Variants in NAA15 observed in about 807,000 individuals in gnomAD.
The protein encoded by NAA15 is N-terminal acetyltransferase.
Under a neutral mutation model 114.0 loss-of-function variants are expected in NAA15, and 34 were observed. The observed-to-expected ratio is 0.30, with a 90% CI of 0.23 to 0.40. The LOEUF (loss-of-function observed/expected upper bound fraction) is 0.40. NAA15 is among the 10% of genes least tolerant of loss of function. NAA15 has a pLI of 1.00. For synonymous variants in NAA15, 340 were observed against 338.0 expected, an observed-to-expected ratio of 1.01 and a Z score of -0.06; for missense variants, 658 against 1,004.5, an observed-to-expected ratio of 0.66 and a Z score of 4.66.
At chr4:139,305,690 A>C (rs1467114507) in intron 1 of NAA15, among the ~76,000 whole-genome samples, 1 of 151,944 alleles carries the variant, frequency 6.6e-6, no homozygotes, top group Non-Finnish European at 1.5e-5. Context: ...GTGTGCCACC[A>C]CACCTAGCTA....
chr4:139,311,956 ACT>A (rs1391687245), intron 1 of NAA15, among the ~76,000 whole-genome samples: 3 of 151,042 alleles, frequency 2.0e-5, no homozygotes, highest in Admixed American at 1.3e-4. Context: ...CCATAGCGAG[ACT>A]CTATCTCTTT....
At chr4:139,303,684 C>T (rs1745892582) in intron 1 of NAA15, among the ~76,000 whole-genome samples, 1 of 152,252 alleles carries the variant, frequency 6.6e-6, no homozygotes, top group Non-Finnish European at 1.5e-5. Flanking sequence ...GTAGTCCCAG[C>T]TACTAGGGTG....
rs1301411548 is a variant in NAA15 at position 139,388,141 on chromosome 4, T to C, written c.*57T>C. The C allele has an allele frequency of 2.6e-5, 38 of 1,459,290 alleles. No individual in the cohort carries two copies. Among genetic ancestry groups the C allele is most frequent in the Non-Finnish European group, 3.6e-5 (38 of 1,054,918 alleles). 90.4% of individuals were successfully genotyped at this position (1,459,290 alleles called of 1,614,324 possible). ...GGACCATATCTAGTATATAATATTT[T>C]TGTCACGCACCTGCTGCATTGCTCT... On this transcript the variant is annotated 3_prime_UTR_variant, in exon 20 of 20. Transcript: ENST00000296543.
intron 1 of NAA15, among the ~76,000 whole-genome samples, chr4:139,330,902 C>A (rs557480642): frequency 6.6e-6 from 1 of 152,130 alleles, no homozygotes; most frequent in Non-Finnish European, 1.5e-5. Context: ...TTTCTTCATG[C>A]TAAAATGTGA....
chr4:139,340,787 C>A, intron 3 of NAA15, 125 bp from the exon 4 acceptor site: 1 of 657,544 alleles, frequency 1.5e-6, no homozygotes. Context: ...CAATCTCCCC[C>A]TCCCCTTCCC....
chr4:139,386,237 A>T lies in NAA15; in HGVS notation c.2400+7A>T, dbSNP rs777836644. 6.6e-7 allele frequency: 1 copy of T among 1,515,426 alleles called. No homozygotes were observed. The highest frequency in any genetic ancestry group is 9.1e-7 in the Non-Finnish European group (1 of 1,096,656). 93.9% of individuals were successfully genotyped at this position (1,515,426 alleles called of 1,614,324 possible). A position where few individuals can be genotyped will look rare whatever the true frequency, so the allele number is the denominator to read the frequency against. The stretch of plus-strand genomic sequence containing the variant: ...CACTAACAGAAACCTCCAGGTAAAG[A>T]GTTTTTCATAATCTCTCTGTAAGAA... On this transcript the variant is annotated splice_region_variant and intron_variant, in intron 19 of 19. Coordinates refer to ENST00000296543, the MANE Select transcript of NAA15 (RefSeq NM_057175.5).
intron 1 of NAA15, among the ~76,000 whole-genome samples, chr4:139,313,587 G>A (rs1257414509): frequency 6.7e-6 from 1 of 149,576 alleles, no homozygotes; most frequent in Non-Finnish European, 1.5e-5. Flanking sequence ...TGTTGCCGAA[G>A]CTGGAGTGTA....
In NAA15 at chr4:139,323,740, T is replaced by G. The variant is rs566880492; in HGVS notation, c.55-10434T>G. On this transcript the variant is annotated intron_variant, in intron 1 of 19. Coordinates refer to ENST00000296543, the MANE Select transcript of NAA15 (RefSeq NM_057175.5). ...CTCTTCTGAAACGGTAGTCCTGTAT[T>G]GGCTTTTGTCCAACAGCTGAAAACA... Among the ~76,000 whole-genome samples the G allele has an allele frequency of 1.1e-4, 16 of 152,336 alleles. No individual in the cohort carries two copies. The East Asian group carries it at 2.3e-3, about 22-fold the overall frequency.
rs945487218 is a variant in NAA15, at chr4:139,390,984, A to G, written c.*2900A>G. On this transcript the variant is annotated 3_prime_UTR_variant, in exon 20 of 20. Transcript: ENST00000296543. ...TGTGGTAAGTTCAGGGAAGTCTTGT[A>G]TGATTTCTAAGAATATTTCAGTTAC... The G allele has an allele frequency of 1.3e-5, 2 of 152,232 alleles. No individual in the cohort carries two copies. Among genetic ancestry groups the G allele is most frequent in the Non-Finnish European group, 2.9e-5 (2 of 68,030 alleles). The allele number at this position is 152,232 out of a possible 1,614,324, so 9.4% of individuals were successfully genotyped here. A position where few individuals can be genotyped will look rare whatever the true frequency, so the allele number is the denominator to read the frequency against.
intron 1 of NAA15, among the ~76,000 whole-genome samples, chr4:139,315,013 T>TCAGTTCAGTTC (rs1560952827): frequency 7.6e-6 from 1 of 131,954 alleles, no homozygotes; most frequent in African/African-American, 2.9e-5. Flanking sequence ...TAGTTTAGGT[T>TCAGTTCAGTTC]AGGTTAGGTT....
At chr4:139,350,315 A>G (rs997625042) in intron 7 of NAA15, among the ~76,000 whole-genome samples, 11 of 152,188 alleles carry the variant, frequency 7.2e-5, no homozygotes, top group Non-Finnish European at 1.5e-4. Flanking sequence ...AAACGGAGAT[A>G]TATTCTTAAA....
chr4:139,305,963 T>G (rs1745997807), intron 1 of NAA15, among the ~76,000 whole-genome samples: 1 of 152,224 alleles, frequency 6.6e-6, no homozygotes. Context: ...ATAAACATTT[T>G]TTTCCTTAAA....
At position 139,334,112 on chromosome 4, in the gene NAA15, G is replaced by A. The variant is rs916727079; in HGVS notation, c.55-62G>A. Reference sequence around the variant, plus strand: ...ATTTAACAGAGTAGAGAAATTTAGCGTTGAATTTAAAGTTGTTTGTATTCC... The same window carrying A: ...ATTTAACAGAGTAGAGAAATTTAGCATTGAATTTAAAGTTGTTTGTATTCC... On this transcript the variant is annotated intron_variant, in intron 1 of 19. Transcript: ENST00000296543. 52 of 996,416 alleles carry A rather than the reference G, an allele frequency of 5.2e-5. 1 individual carries two copies. Among genetic ancestry groups the A allele is most frequent in the Middle Eastern group, 5.1e-4 (2 of 3,958 alleles). The allele number at this position is 996,416 out of a possible 1,614,324, so 61.7% of individuals were successfully genotyped here. A position where few individuals can be genotyped will look rare whatever the true frequency, so the allele number is the denominator to read the frequency against.
chr4:139,303,310 A>C (rs2110810051), intron 1 of NAA15, among the ~76,000 whole-genome samples: 1 of 152,374 alleles, frequency 6.6e-6, no homozygotes, highest in African/African-American at 2.4e-5. Flanking sequence ...TAGAACTGTA[A>C]CATAAGTTTA....
chr4:139,317,352 G>A lies in NAA15; in HGVS notation c.54+15521G>A, dbSNP rs192855181. 6.0e-4 allele frequency among the ~76,000 whole-genome samples: 91 copies of A among 152,192 alleles called. 1 individual carries two copies. Among genetic ancestry groups the A allele is most frequent in the African/African-American group, 2.1e-3 (88 of 41,516 alleles). ...AATTAGAGGATCGTGGGCCGGGCGC[G>A]GTGGCTGACGCCTGTAATCCCAGCA... On this transcript the variant is annotated intron_variant, in intron 1 of 19. Coordinates refer to ENST00000296543, the MANE Select transcript of NAA15 (RefSeq NM_057175.5).
intron 16 of NAA15, among the ~76,000 whole-genome samples, chr4:139,377,184 G>A (rs1362417706): frequency 1.3e-5 from 2 of 151,652 alleles, no homozygotes; most frequent in Non-Finnish European, 2.9e-5. Context: ...GCTCTAAACA[G>A]TATATCTACT....
intron 15 of NAA15, among the ~76,000 whole-genome samples, chr4:139,375,569 T>G (rs1748559079): frequency 6.6e-6 from 1 of 152,154 alleles, no homozygotes; most frequent in Non-Finnish European, 1.5e-5. Flanking sequence ...TGTGGCAAAT[T>G]CATTTTCCAT....
intron 9 of NAA15, among the ~76,000 whole-genome samples, chr4:139,352,893 C>G (rs1224268753): frequency 4.0e-5 from 6 of 151,878 alleles, no homozygotes; most frequent in African/African-American, 1.5e-4. Flanking sequence ...GTCTTGAACT[C>G]CTGACCTCAG....
intron 6 of NAA15, among the ~76,000 whole-genome samples, chr4:139,344,628 CA>C (rs1318423054): frequency 2.0e-5 from 3 of 152,000 alleles, no homozygotes; most frequent in Non-Finnish European, 4.4e-5. Context: ...GGAATTTGAT[CA>C]AAACACAAGA....
Sources: allele counts gnomAD v4.1 joint callset (sites outside exome capture counted in the v4.1 genomes callset), GRCh38; gene constraint gnomAD v4.1.1; transcripts MANE v1.5; gene names NCBI Gene and HGNC (gene_info 2026-07-23, HGNC 2026-07-21).